SGSM3: variants seen among roughly 807,000 people sequenced by gnomAD.
The protein encoded by SGSM3 is RUN and SH3 containing 3.
A neutral mutation model predicts 100.5 loss-of-function variants in SGSM3; 96 were observed. The observed-to-expected ratio is 0.96, with a 90% CI of 0.81 to 1.13. The LOEUF (loss-of-function observed/expected upper bound fraction) is 1.13, where lower values mean the gene tolerates loss of function less well. Among genes scored for constraint, SGSM3 ranks in the 50% most tolerant of loss-of-function variants. The pLI, the probability that SGSM3 is intolerant of heterozygous loss-of-function variation, is 0.00. For synonymous variants in SGSM3, 483 were observed against 422.8 expected (o/e 1.14, Z -1.75); for missense variants, 1,001 against 1,015.8 (o/e 0.99, Z 0.20).
At chr22:40,397,536 G>C (rs560522341) in intron 1 of SGSM3, among the ~76,000 whole-genome samples, 61 of 152,288 alleles carry the variant, frequency 4.0e-4, no homozygotes, top group African/African-American at 1.4e-3. Context: ...CTGCAAGACA[G>C]CCAGAGAGGG....
At chr22:40,385,419 A>G (rs893163639) in intron 1 of SGSM3, among the ~76,000 whole-genome samples, 3 of 152,214 alleles carry the variant, frequency 2.0e-5, no homozygotes, top group East Asian at 3.8e-4. Context: ...ACACGAAGCC[A>G]TTGGAGAAGA....
chr22:40,379,671 T>G (rs2047237903), intron 1 of SGSM3, among the ~76,000 whole-genome samples: 1 of 152,120 alleles, frequency 6.6e-6, no homozygotes, highest in Non-Finnish European at 1.5e-5. Flanking sequence ...CAACCTGTAG[T>G]TATCTCTTTA....
At chr22:40,406,934 A>T in intron 10 of SGSM3, 83 bp from the exon 11 acceptor site, 1 of 1,331,024 alleles carries the variant, frequency 7.5e-7, no homozygotes, top group Non-Finnish European at 1.1e-6. Context: ...AGGCTATTTC[A>T]GATGAGACAG....
intron 1 of SGSM3, among the ~76,000 whole-genome samples, chr22:40,379,105 TAC>T (rs2047131641): frequency 6.6e-6 from 1 of 152,220 alleles, no homozygotes; most frequent in South Asian, 2.1e-4. Context: ...TCATCTGACA[TAC>T]AGTGTGGTCT....
chr22:40,379,142 T>C (rs1430916684), intron 1 of SGSM3, among the ~76,000 whole-genome samples: 2 of 152,216 alleles, frequency 1.3e-5, no homozygotes, highest in Non-Finnish European at 2.9e-5. Flanking sequence ...AAGTTACTTC[T>C]TTCCCCTCTA....
At chr22:40,394,682 A>G (rs868715612) in intron 1 of SGSM3, among the ~76,000 whole-genome samples, 5 of 148,958 alleles carry the variant, frequency 3.4e-5, no homozygotes, top group African/African-American at 4.9e-5. Context: ...AGTTTTTGCC[A>G]TGGCTAGAAG....
intron 7 of SGSM3, 120 bp downstream of exon 7, chr22:40,405,404 G>A (rs2051340100): frequency 3.7e-6 from 4 of 1,069,116 alleles, no homozygotes; most frequent in Non-Finnish European, 5.1e-6. Context: ...CCCTAACAAG[G>A]AGTGGCCTCC....
At chr22:40,382,758 A>G (rs936723985) in intron 1 of SGSM3, among the ~76,000 whole-genome samples, 2 of 152,206 alleles carry the variant, frequency 1.3e-5, no homozygotes, top group African/African-American at 4.8e-5. Flanking sequence ...GTGTTAGCCC[A>G]TTTTTGGAAA....
rs201668380 is a variant in SGSM3 at position 40,406,440 on chromosome 22, G to A, written c.963G>A (p.Glu321=). The stretch of plus-strand genomic sequence containing the variant: ...CATCCTGCCCTGGCATGGCCCAGGA[G>A]GAAGAGCTGATCCAGTCAGAGAACT... The part of the protein sequence containing the change: ...QLTLGMLHLK[E]EELIQSENSA... The change falls in exon 10 of 22, where the codon GAG becomes GAA. Residue 321 remains glutamate (E), a splice_region_variant and synonymous_variant. Coordinates refer to ENST00000248929, the MANE Select transcript of SGSM3 (RefSeq NM_015705.6). The A allele has an allele frequency of 6.1e-5, 97 of 1,577,690 alleles. No individual in the cohort carries two copies. The East Asian group carries it at 2.2e-3, about 35-fold the overall frequency.
rs200131558 is a variant in SGSM3, at chr22:40,408,352, A to G, written c.1705A>G (p.Lys569Glu). The G allele has an allele frequency of 1.3e-5, 21 of 1,613,508 alleles. No homozygotes were observed. The South Asian group carries it at 1.4e-4, about 11-fold the overall frequency. The change falls in exon 16 of 22, where the codon AAG becomes GAG. Residue 569 changes from lysine to glutamate, a missense_variant. By Grantham distance (56) the Lys-to-Glu change is moderately conservative (BLOSUM62 1). Transcript: ENST00000248929. The part of the protein sequence containing the change: ...LVRGTLCPAL[K>E]ALFEHGLKKP... ...GCGAGGGACCCTCTGCCCGGCCCTT[A>G]AGGCCCTGTTCGAACATGGACTGAA...
chr22:40,409,066 C>T (rs1442496436), intron 19 of SGSM3, 48 bp downstream of exon 19: 66 of 1,552,600 alleles, frequency 4.3e-5, no homozygotes, highest in Non-Finnish European at 5.4e-5. Flanking sequence ...TGGGGGGACC[C>T]AGCCCAGCAT....
chr22:40,407,969 G>A lies in SGSM3; in HGVS notation c.1580-102G>A. The A allele has an allele frequency of 6.8e-7, 1 of 1,468,844 alleles. No individual in the cohort carries two copies. Among genetic ancestry groups the A allele is most frequent in the South Asian group, 1.2e-5 (1 of 80,642 alleles). 91.0% of individuals were successfully genotyped at this position (1,468,844 alleles called of 1,614,324 possible). On this transcript the variant is annotated intron_variant, in intron 14 of 21. Coordinates refer to ENST00000248929, the MANE Select transcript of SGSM3 (RefSeq NM_015705.6). The surrounding 1 kb of genome is among the most constrained non-coding windows in gnomAD (Gnocchi z 4.7). Reference sequence around the variant, plus strand: ...ACCTGCCTGGCTTGAGGTCCCTGAAGCAGCTGAGCCGGCTTCCCACTGCCT... The same window carrying A: ...ACCTGCCTGGCTTGAGGTCCCTGAAACAGCTGAGCCGGCTTCCCACTGCCT...
At chr22:40,400,663 A>T in intron 1 of SGSM3, 33 bp from the exon 2 acceptor site, 1 of 848,154 alleles carries the variant, frequency 1.2e-6, no homozygotes, top group Non-Finnish European at 1.9e-6. Flanking sequence ...AAAAATAAAA[A>T]TAGAATGACT....
intron 1 of SGSM3, among the ~76,000 whole-genome samples, chr22:40,381,851 C>T (rs769142803): frequency 3.9e-5 from 6 of 152,124 alleles, no homozygotes; most frequent in Non-Finnish European, 8.8e-5. Context: ...CCCAGCTACT[C>T]AGGAGGCTGG....
intron 1 of SGSM3, among the ~76,000 whole-genome samples, chr22:40,393,511 C>T (rs2049638989): frequency 6.6e-6 from 1 of 152,208 alleles, no homozygotes; most frequent in African/African-American, 2.4e-5. Flanking sequence ...CCAGTTGGAC[C>T]TTCACCTTGA....
intron 5 of SGSM3, 45 bp from the exon 6 acceptor site, chr22:40,404,512 G>C: frequency 6.2e-7 from 1 of 1,610,518 alleles, no homozygotes; most frequent in Non-Finnish European, 8.5e-7. Flanking sequence ...CCATGATCAG[G>C]TGTCACGAGA....
chr22:40,409,925 A>T lies in SGSM3; in HGVS notation c.*166A>T, dbSNP rs942288648. 1 of 1,410,194 alleles carries T rather than the reference A, an allele frequency of 7.1e-7. No homozygotes were observed. The highest frequency in any genetic ancestry group is 1.4e-5 in the African/African-American group (1 of 68,966). The allele number at this position is 1,410,194 out of a possible 1,614,324, so 87.4% of individuals were successfully genotyped here. ...CCAGCACATCCCAGGTGGTGGGAGC[A>T]GAGGGTACCCTGCCCCACCAGGGTC... On this transcript the variant is annotated 3_prime_UTR_variant, in exon 22 of 22. Coordinates refer to ENST00000248929, the MANE Select transcript of SGSM3 (RefSeq NM_015705.6).
intron 15 of SGSM3, 41 bp downstream of exon 15, chr22:40,408,161 T>A (rs1293462061): frequency 1.2e-6 from 2 of 1,609,920 alleles, no homozygotes; most frequent in Admixed American, 1.7e-5. Context: ...GGCACCCTTC[T>A]AGCCAGGGCC....
chr22:40,406,669 C>A lies in SGSM3; in HGVS notation c.1185+7C>A. The A allele has an allele frequency of 6.2e-7, 1 of 1,604,568 alleles. No homozygotes were observed. The stretch of plus-strand genomic sequence containing the variant: ...CCTCACCAACCTCTCTCAGGTGGCC[C>A]AGGATGGGGGGCCGCACCTTGACCC... On this transcript the variant is annotated splice_region_variant and intron_variant, in intron 10 of 21. Transcript: ENST00000248929.
Sources: allele counts gnomAD v4.1 joint callset (sites outside exome capture counted in the v4.1 genomes callset), GRCh38; gene constraint gnomAD v4.1.1; non-coding constraint Gnocchi (gnomAD v3.1); transcripts MANE v1.5; gene names NCBI Gene and HGNC (gene_info 2026-07-23, HGNC 2026-07-21).